Variants in DNAH6 observed in about 807,000 individuals in gnomAD.
The protein encoded by DNAH6 is dynein axonemal heavy chain 6.
In DNAH6, 340 loss-of-function variants were observed where a neutral mutation model predicts 491.4. That is an observed-to-expected ratio of 0.69 (90% CI 0.63 to 0.76). The LOEUF (loss-of-function observed/expected upper bound fraction) is 0.76, where lower values mean the gene tolerates loss of function less well. Ranked by LOEUF, DNAH6 falls within the 30% of genes least tolerant of loss-of-function variation. DNAH6 has a pLI of 0.00. For missense variants in DNAH6, 4,443 were observed against 4,972.2 expected (o/e 0.89, Z 3.20); for synonymous variants, 1,603 against 1,686.1 (o/e 0.95, Z 1.21).
intron 63 of DNAH6, among the ~76,000 whole-genome samples, chr2:84,755,120 A>T (rs1471137142): frequency 6.6e-6 from 1 of 152,244 alleles, no homozygotes; most frequent in Non-Finnish European, 1.5e-5. Context: ...TTAGAAACTT[A>T]TCCCCAGTAC....
In DNAH6 at chr2:84,604,324, GTGTT is replaced by G. The variant is rs746840474; in HGVS notation, c.2869-9_2869-6del. 7 of 1,541,574 alleles carry G rather than the reference GTGTT, an allele frequency of 4.5e-6. No homozygotes were observed. The South Asian group carries it at 8.3e-5, about 18-fold the overall frequency. ...GATAAAAAGCTTCATGTCTCTGAGA[GTGTT>G]TGTTTTTCAGCTTCCAGTTATCATT... On this transcript the variant is annotated splice_polypyrimidine_tract_variant and intron_variant, in intron 18 of 76. Coordinates refer to ENST00000389394, the MANE Select transcript of DNAH6 (RefSeq NM_001370.2).
At chr2:84,486,508 T>C in the DNAH6 span, among the ~76,000 whole-genome samples, 2 of 152,164 alleles carry the variant, frequency 1.3e-5, no homozygotes, top group Non-Finnish European at 2.9e-5. Flanking sequence ...TGGAGAAAGG[T>C]AGGGAAAACA....
At chr2:84,479,340 T>G in the DNAH6 span, among the ~76,000 whole-genome samples, 1 of 152,228 alleles carries the variant, frequency 6.6e-6, no homozygotes, top group Non-Finnish European at 1.5e-5. Flanking sequence ...CCCTGCCTCC[T>G]GTCTCTACCA....
chr2:84,540,183 G>C (rs150095497), intron 4 of DNAH6, among the ~76,000 whole-genome samples: 276 of 152,188 alleles, frequency 1.8e-3, no homozygotes, highest in African/African-American at 6.5e-3. Flanking sequence ...GAGGTAACAG[G>C]GAACAAAGAC....
chr2:84,514,761 T>G (rs897062563), upstream of DNAH6, among the ~76,000 whole-genome samples: 3 of 152,122 alleles, frequency 2.0e-5, no homozygotes, highest in Non-Finnish European at 4.4e-5. Flanking sequence ...TCTTGCCACA[T>G]TAAAAAATAA....
chr2:84,577,008 G>C (rs969184752), intron 12 of DNAH6, among the ~76,000 whole-genome samples: 4 of 152,082 alleles, frequency 2.6e-5, no homozygotes, highest in Non-Finnish European at 4.4e-5. Context: ...ATTTTCATCT[G>C]TCATCTCTTC....
At chr2:84,486,859 G>A in the DNAH6 span, among the ~76,000 whole-genome samples, 4 of 152,190 alleles carry the variant, frequency 2.6e-5, no homozygotes, top group Admixed American at 2.6e-4. Context: ...CAGTGGCTTA[G>A]GAGTTTAATG....
chr2:84,717,590 AATAG>A (rs1329790259), intron 58 of DNAH6, among the ~76,000 whole-genome samples: 2 of 152,202 alleles, frequency 1.3e-5, no homozygotes, highest in Non-Finnish European at 2.9e-5. Context: ...TCAAAGGATT[AATAG>A]ATAATCCACG....
chr2:84,682,666 T>A (rs763103823), intron 42 of DNAH6, among the ~76,000 whole-genome samples: 4 of 152,206 alleles, frequency 2.6e-5, no homozygotes, highest in Non-Finnish European at 5.9e-5. Flanking sequence ...TACCATTAGT[T>A]GCTCTGGCTA....
At chr2:84,504,155 T>C in the DNAH6 span, among the ~76,000 whole-genome samples, 1 of 152,204 alleles carries the variant, frequency 6.6e-6, no homozygotes, top group Admixed American at 6.5e-5. Context: ...AGCTCACTAA[T>C]TCCTTCCTTT....
chr2:84,547,803 A>G (rs188179313), intron 7 of DNAH6, among the ~76,000 whole-genome samples, 191 bp downstream of exon 7: 1 of 152,290 alleles, frequency 6.6e-6, no homozygotes, highest in Admixed American at 6.5e-5. Context: ...TGTTTCTCCC[A>G]TTACTCCTGT....
At chr2:84,552,816 AG>A (rs1373318234) in intron 9 of DNAH6, 101 bp from the exon 10 acceptor site, 4 of 554,574 alleles carry the variant, frequency 7.2e-6, no homozygotes, top group Non-Finnish European at 1.2e-5. Flanking sequence ...TAATGAATTC[AG>A]CTAATTATAT....
At chr2:84,613,853 A>G (rs372348828) in intron 22 of DNAH6, among the ~76,000 whole-genome samples, 9 of 152,086 alleles carry the variant, frequency 5.9e-5, no homozygotes, top group Middle Eastern at 3.2e-3. Context: ...TTCTTAGTCA[A>G]TTCCCCCCAT....
Position 84,727,872 on chromosome 2 carries a change from C to A in DNAH6, c.10176C>A (p.Phe3392Leu). 6.4e-7 allele frequency: 1 copy of A among 1,551,774 alleles called. No individual in the cohort carries two copies. The highest frequency in any genetic ancestry group is 8.7e-7 in the Non-Finnish European group (1 of 1,146,710). ...CCCTATCTGATGCTGAATGGAATTTCTTTCTCCGAGGTTCTGCAGGATTGG... is the reference window on the plus strand; with the variant it reads ...CCCTATCTGATGCTGAATGGAATTTATTTCTCCGAGGTTCTGCAGGATTGG... ...QGTLSDAEWNFFLRGSAGLEK... is the reference protein window; with the variant it reads ...QGTLSDAEWNLFLRGSAGLEK... The change falls in exon 61 of 77, where the codon TTC (phenylalanine) becomes TTA (leucine). Residue 3392 changes from phenylalanine (F) to leucine (L), a missense_variant. Around this residue, in one of 3 missense-constraint regions of DNAH6, gnomAD observed 1,463 missense variants for 1,656.6 expected, o/e 0.88. Coordinates refer to ENST00000389394, the MANE Select transcript of DNAH6 (RefSeq NM_001370.2).
intron 9 of DNAH6, among the ~76,000 whole-genome samples, chr2:84,551,616 A>G (rs1021844960): frequency 6.6e-6 from 1 of 152,320 alleles, no homozygotes; most frequent in Middle Eastern, 3.4e-3. Flanking sequence ...TTTTTCACAC[A>G]TTTCAGATTT....
the DNAH6 span, among the ~76,000 whole-genome samples, chr2:84,486,491 A>C: frequency 6.6e-6 from 1 of 152,146 alleles, no homozygotes; most frequent in African/African-American, 2.4e-5. Flanking sequence ...GGACACCTGG[A>C]TACAGTTGGA....
chr2:84,553,639 T>TTTC (rs1303030444), intron 10 of DNAH6, among the ~76,000 whole-genome samples: 1 of 135,846 alleles, frequency 7.4e-6, no homozygotes, highest in African/African-American at 2.8e-5. Context: ...TTTTTTTTTT[T>TTTC]TTTTTTTTTT....
At chr2:84,799,361 T>C (rs541327409) in intron 70 of DNAH6, among the ~76,000 whole-genome samples, 1 of 152,352 alleles carries the variant, frequency 6.6e-6, no homozygotes, top group South Asian at 2.1e-4. Flanking sequence ...TAGCCCAGAA[T>C]GCCTGGGCTG....
chr2:84,548,325 T>C lies in DNAH6; in HGVS notation c.1224T>C (p.Asn408=). 1 of 1,613,884 alleles carries C rather than the reference T, an allele frequency of 6.2e-7. No homozygotes were observed. Among genetic ancestry groups the C allele is most frequent in the South Asian group, 1.1e-5 (1 of 91,074 alleles). The change falls in exon 8 of 77, where the codon AAT becomes AAC. Residue 408 remains asparagine (N), a synonymous_variant. Transcript: ENST00000389394. The stretch of plus-strand genomic sequence containing the variant: ...TGCAGAGCAGTGGAAGTTTCATTAA[T>C]ACACCACATGAGTTGCCCACTTATG... ...HKVQSSGSFI[N]TPHELPTYGD... is the part of the protein sequence containing the mutation.
Sources: allele counts gnomAD v4.1 joint callset (sites outside exome capture counted in the v4.1 genomes callset), GRCh38; gene constraint gnomAD v4.1.1; regional missense constraint gnomAD v4.1.1; transcripts MANE v1.5; gene names NCBI Gene and HGNC (gene_info 2026-07-23, HGNC 2026-07-21).